PPM1L: variants seen among roughly 807,000 people sequenced by gnomAD.
The protein encoded by PPM1L is protein phosphatase 1L.
A neutral mutation model predicts 31.4 loss-of-function variants in PPM1L; 13 were observed. That is an observed-to-expected ratio of 0.41 (90% CI 0.27 to 0.66). The LOEUF (loss-of-function observed/expected upper bound fraction) is 0.66, where lower values mean the gene tolerates loss of function less well. Ranked by LOEUF, PPM1L falls within the 30% of genes least tolerant of loss-of-function variation. PPM1L has a pLI of 0.29. For missense variants in PPM1L, 326 were observed against 453.7 expected, an observed-to-expected ratio of 0.72 and a Z score of 2.56; for synonymous variants, 184 against 175.4, an observed-to-expected ratio of 1.05 and a Z score of -0.39.
rs577288589 is a variant in PPM1L, at chr3:160,974,692, G to A, written c.574+12782G>A. ...CTTCTTTTGAGAAGTGTCTGTTCAT[G>A]TCCTTTGCCCACTTTTTGATGGGGT... On this transcript the variant is annotated intron_variant, in intron 2 of 3. Coordinates refer to ENST00000498165, the MANE Select transcript of PPM1L (RefSeq NM_139245.4). 9.9e-3 allele frequency among the ~76,000 whole-genome samples: 1,461 copies of A among 148,114 alleles called. 18 individuals carry two copies. Among genetic ancestry groups the A allele is most frequent in the African/African-American group, 0.035 (1,388 of 39,748 alleles).
intron 1 of PPM1L, among the ~76,000 whole-genome samples, chr3:160,878,666 C>T (rs549310208): frequency 2.4e-4 from 37 of 152,166 alleles, no homozygotes; most frequent in Non-Finnish European, 4.4e-4. Flanking sequence ...ACATTCAGTC[C>T]ATAACAGGGC....
chr3:160,962,215 C>G (rs531428478), intron 2 of PPM1L, among the ~76,000 whole-genome samples: 1 of 151,890 alleles, frequency 6.6e-6, no homozygotes, highest in Non-Finnish European at 1.5e-5. Context: ...CTTTTACATC[C>G]GAGAATCCAA....
At chr3:160,759,102 T>C (rs1714894463) in intron 1 of PPM1L, among the ~76,000 whole-genome samples, 1 of 152,204 alleles carries the variant, frequency 6.6e-6, no homozygotes, top group Non-Finnish European at 1.5e-5. Context: ...ATCTAATTCT[T>C]GTGTGTTGTT....
chr3:160,843,424 TTTTATA>T (rs1214171339), intron 1 of PPM1L, among the ~76,000 whole-genome samples: 567 of 50,084 alleles, frequency 0.011, 7 homozygotes, highest in African/African-American at 0.034. Context: ...ATGGCAATTC[TTTTATA>T]TATATATATA....
chr3:160,764,531 A>G (rs1320463320), intron 1 of PPM1L, among the ~76,000 whole-genome samples: 1 of 150,042 alleles, frequency 6.7e-6, no homozygotes, highest in Non-Finnish European at 1.5e-5. Context: ...CAATGGCACG[A>G]TCTAGGCTCG....
rs1720104790 is a variant in PPM1L, at chr3:161,076,565, T to G, written c.*7408T>G. The G allele has an allele frequency of 1.3e-5, 2 of 152,236 alleles. No individual in the cohort carries two copies. The highest frequency in any genetic ancestry group is 4.8e-5 in the African/African-American group (2 of 41,470). 9.4% of individuals were successfully genotyped at this position (152,236 alleles called of 1,614,324 possible). A position where few individuals can be genotyped will look rare whatever the true frequency, so the allele number is the denominator to read the frequency against. On this transcript the variant is annotated 3_prime_UTR_variant, in exon 4 of 4. Transcript: ENST00000498165. ...CATTGAAACATTAACATCTACAATA[T>G]TGTCTTTCAGTTTACTCTTCAATTA...
chr3:160,851,632 G>T lies in PPM1L; in HGVS notation c.399+94925G>T, dbSNP rs1199713631. On this transcript the variant is annotated intron_variant, in intron 1 of 3. Coordinates refer to ENST00000498165, the MANE Select transcript of PPM1L (RefSeq NM_139245.4). Reference sequence around the variant, plus strand: ...TGAACATCTAACATGAAGCTTTGACGGGAAGAAAAGAGATACATTTTAGAG... The same window carrying T: ...TGAACATCTAACATGAAGCTTTGACTGGAAGAAAAGAGATACATTTTAGAG... Among the ~76,000 whole-genome samples, 4 of 152,148 alleles carry T rather than the reference G, an allele frequency of 2.6e-5. No individual in the cohort carries two copies. In the East Asian group the frequency reaches 7.7e-4, roughly 29 times the overall value.
rs148650971 is a variant in PPM1L at position 160,780,773 on chromosome 3, G to C, written c.399+24066G>C. On this transcript the variant is annotated intron_variant, in intron 1 of 3. Transcript: ENST00000498165. ...TAGTTTATGGTGGGGCCAACCATCAGGTTGTAGCAGTTCCTGTCAGGCAGA... is the reference window on the plus strand; with the variant it reads ...TAGTTTATGGTGGGGCCAACCATCACGTTGTAGCAGTTCCTGTCAGGCAGA... Among the ~76,000 whole-genome samples the C allele has an allele frequency of 1.8e-3, 278 of 152,310 alleles. 3 individuals are homozygous for C. The East Asian group carries it at 0.025, about 14-fold the overall frequency.
chr3:160,963,736 C>G (rs1400484737), intron 2 of PPM1L, among the ~76,000 whole-genome samples: 3 of 151,984 alleles, frequency 2.0e-5, no homozygotes, highest in Non-Finnish European at 4.4e-5. Flanking sequence ...AATCACCCAC[C>G]ACTCAATTTT....
chr3:160,928,526 C>T (rs1367872629), intron 1 of PPM1L, among the ~76,000 whole-genome samples: 1 of 152,214 alleles, frequency 6.6e-6, no homozygotes, highest in Non-Finnish European at 1.5e-5. Flanking sequence ...TACCTTCCGA[C>T]TCCCTCTATT....
At chr3:160,986,501 A>G (rs1472272972) in intron 2 of PPM1L, among the ~76,000 whole-genome samples, 1 of 152,244 alleles carries the variant, frequency 6.6e-6, no homozygotes, top group African/African-American at 2.4e-5. Context: ...ACAATAAATT[A>G]CAAATTGTAA....
intron 1 of PPM1L, among the ~76,000 whole-genome samples, chr3:160,893,994 G>T (rs1713245671): frequency 6.6e-6 from 1 of 152,154 alleles, no homozygotes; most frequent in African/African-American, 2.4e-5. Flanking sequence ...GCTCAACTAG[G>T]CTAATGTAAG....
chr3:160,892,580 A>G (rs1398867540), intron 1 of PPM1L, among the ~76,000 whole-genome samples: 2 of 152,182 alleles, frequency 1.3e-5, no homozygotes, highest in Non-Finnish European at 2.9e-5. Context: ...AATAATTTAA[A>G]CACACATGAA....
chr3:161,038,191 G>C (rs1015334018), intron 2 of PPM1L, among the ~76,000 whole-genome samples: 1 of 140,994 alleles, frequency 7.1e-6, no homozygotes, highest in Non-Finnish European at 1.5e-5. Flanking sequence ...CCGAGATCCC[G>C]CCGCTGCACT....
At chr3:160,839,731 G>A (rs1273223495) in intron 1 of PPM1L, among the ~76,000 whole-genome samples, 1 of 152,104 alleles carries the variant, frequency 6.6e-6, no homozygotes, top group African/African-American at 2.4e-5. Context: ...TTGTGACTGT[G>A]GTCAGTGAAC....
chr3:160,989,924 C>CA (rs1168160475), intron 2 of PPM1L, among the ~76,000 whole-genome samples: 9 of 152,068 alleles, frequency 5.9e-5, no homozygotes, highest in Non-Finnish European at 1.3e-4. Flanking sequence ...CTTGGCCTCC[C>CA]AAAGTTCCAG....
At chr3:160,812,596 A>G (rs1383769441) in intron 1 of PPM1L, among the ~76,000 whole-genome samples, 1 of 151,818 alleles carries the variant, frequency 6.6e-6, no homozygotes, top group African/African-American at 2.4e-5. Context: ...TTAATAGAAA[A>G]CGTTTAATAG....
intron 1 of PPM1L, among the ~76,000 whole-genome samples, chr3:160,778,956 A>G (rs1158729101): frequency 6.6e-6 from 1 of 152,174 alleles, no homozygotes; most frequent in African/African-American, 2.4e-5. Context: ...CTTTTTGTGC[A>G]TAATCCACAA....
intron 1 of PPM1L, among the ~76,000 whole-genome samples, chr3:160,817,725 T>C (rs934485018): frequency 1.3e-5 from 2 of 152,034 alleles, no homozygotes; most frequent in African/African-American, 4.8e-5. Flanking sequence ...AGATCTATGC[T>C]TTAGTTGCTG....
Sources: allele counts gnomAD v4.1 joint callset (sites outside exome capture counted in the v4.1 genomes callset), GRCh38; gene constraint gnomAD v4.1.1; transcripts MANE v1.5; gene names NCBI Gene and HGNC (gene_info 2026-07-23, HGNC 2026-07-21).